Variants in NAV2 observed in about 807,000 individuals in gnomAD.
NAV2 encodes neuron navigator 2.
Under a neutral mutation model 223.2 loss-of-function variants are expected in NAV2, and 54 were observed. The ratio of observed to expected loss-of-function variants is 0.24; its 90% confidence interval spans 0.19 to 0.30. The LOEUF (loss-of-function observed/expected upper bound fraction) is 0.30, where lower values mean the gene tolerates loss of function less well. Ranked by LOEUF, NAV2 falls within the 10% of genes least tolerant of loss-of-function variation. The pLI is 1.00. For missense variants in NAV2, 2,806 were observed against 3,147.5 expected (o/e 0.89, Z 2.60); for synonymous variants, 1,279 against 1,239.3 (o/e 1.03, Z -0.67).
intron 1 of NAV2, among the ~76,000 whole-genome samples, chr11:19,481,583 A>G (rs887200847): frequency 6.6e-6 from 1 of 152,210 alleles, no homozygotes; most frequent in African/African-American, 2.4e-5. Flanking sequence ...CATCTGTAAA[A>G]CAGGATAAAT....
intron 4 of NAV2, among the ~76,000 whole-genome samples, chr11:19,879,653 G>C (rs1247003911): frequency 6.6e-6 from 1 of 152,144 alleles, no homozygotes; most frequent in Non-Finnish European, 1.5e-5. Context: ...CAGACATCCA[G>C]TTGCACTTGC....
chr11:19,612,919 T>C (rs1053737118), intron 1 of NAV2, among the ~76,000 whole-genome samples: 1 of 152,242 alleles, frequency 6.6e-6, no homozygotes, highest in Non-Finnish European at 1.5e-5. Flanking sequence ...GATAAAGACA[T>C]ACCTGAAACT....
At chr11:19,352,675 T>C (rs1354268) in intron 1 of NAV2, among the ~76,000 whole-genome samples, 37,616 of 152,228 alleles carry the variant, frequency 0.25, 5,562 homozygotes, top group East Asian at 0.54. Flanking sequence ...TGAGTCTCCA[T>C]GCTTGGGTGA....
At chr11:19,656,296 C>A (rs1464303036) in intron 1 of NAV2, among the ~76,000 whole-genome samples, 1 of 152,170 alleles carries the variant, frequency 6.6e-6, no homozygotes, top group Non-Finnish European at 1.5e-5. Flanking sequence ...GTCACGGGGG[C>A]CTGTACCTTA....
intron 1 of NAV2, among the ~76,000 whole-genome samples, chr11:19,725,947 G>A (rs1259554036): frequency 6.6e-6 from 1 of 152,192 alleles, no homozygotes; most frequent in Non-Finnish European, 1.5e-5. Flanking sequence ...GGCCATGGGC[G>A]AGGCCAGGCT....
intron 1 of NAV2, among the ~76,000 whole-genome samples, chr11:19,818,850 T>C (rs2059238139): frequency 6.6e-6 from 1 of 152,220 alleles, no homozygotes; most frequent in African/African-American, 2.4e-5. Flanking sequence ...TTTATGGACT[T>C]TATAATCTAG....
chr11:19,404,367 C>A (rs1328927909), intron 1 of NAV2, among the ~76,000 whole-genome samples: 1 of 152,216 alleles, frequency 6.6e-6, no homozygotes, highest in Non-Finnish European at 1.5e-5. Context: ...GAATGCACGT[C>A]AGGCTTCTTG....
chr11:19,495,475 C>A (rs1464902357), intron 1 of NAV2, among the ~76,000 whole-genome samples: 2 of 152,204 alleles, frequency 1.3e-5, no homozygotes, highest in African/African-American at 2.4e-5. Flanking sequence ...GGTGGTGACA[C>A]TGGCTGGTGA....
Position 19,865,203 on chromosome 11 carries a change from G to C in NAV2, c.439-3722G>C, listed in dbSNP as rs1017105273. Among the ~76,000 whole-genome samples the C allele has an allele frequency of 2.0e-5, 3 of 152,094 alleles. 1 individual carries two copies. The highest frequency in any genetic ancestry group is 4.1e-4 in the South Asian group (2 of 4,826). On this transcript the variant is annotated intron_variant, in intron 3 of 37. Transcript: ENST00000349880. ...TTTAATCAGATCCTCATCTCATGCT[G>C]TGTGTCTGGATCACACATAAGTCTT...
rs185047930 is a variant in NAV2 at position 19,539,674 on chromosome 11, A to G, written c.75+188647A>G. Among the ~76,000 whole-genome samples, 821 of 152,262 alleles carry G rather than the reference A, an allele frequency of 5.4e-3. 5 individuals are homozygous for G. Among genetic ancestry groups the G allele is most frequent in the African/African-American group, 0.019 (799 of 41,566 alleles). ...TGAAGGCCACTGAGACAACACAGCC[A>G]TTTGGAAAGCCATTATCAGCTGCCA... On this transcript the variant is annotated intron_variant, in intron 1 of 37. Transcript: ENST00000360655.
intron 1 of NAV2, among the ~76,000 whole-genome samples, chr11:19,600,270 CT>C (rs2046317800): frequency 1.3e-5 from 2 of 152,286 alleles, no homozygotes; most frequent in Admixed American, 1.3e-4. Context: ...CACTTCTGGC[CT>C]GCCCTGTTTG....
At chr11:20,074,340 G>A (rs1485766615) in intron 22 of NAV2, among the ~76,000 whole-genome samples, 1 of 152,128 alleles carries the variant, frequency 6.6e-6, no homozygotes, top group African/African-American at 2.4e-5. Context: ...GCTGAGGAGT[G>A]TTTTACTTCC....
At chr11:20,115,374 C>T (rs1205463189) in intron 37 of NAV2, among the ~76,000 whole-genome samples, 1 of 152,074 alleles carries the variant, frequency 6.6e-6, no homozygotes, top group African/African-American at 2.4e-5. Flanking sequence ...GTGGCTCACA[C>T]CTGTAATCCC....
At chr11:19,616,148 G>A (rs11025195) in intron 1 of NAV2, among the ~76,000 whole-genome samples, 5,515 of 151,646 alleles carry the variant, frequency 0.036, 128 homozygotes, top group Non-Finnish European at 0.059. Flanking sequence ...ATAGAGCCCC[G>A]TAGACTGTAT....
intron 1 of NAV2, among the ~76,000 whole-genome samples, chr11:19,435,793 G>A (rs116220690): frequency 0.021 from 3,194 of 152,232 alleles, 102 homozygotes; most frequent in African/African-American, 0.073. Context: ...ATAGCTCATT[G>A]TGGTTTTAAG....
chr11:20,085,739 G>A (rs1186979951), intron 26 of NAV2, among the ~76,000 whole-genome samples: 2 of 152,244 alleles, frequency 1.3e-5, no homozygotes, highest in Admixed American at 6.5e-5. Context: ...CATCCACAGG[G>A]CCCAGTCCAC....
At chr11:19,975,585 G>C (rs1040336857) in intron 10 of NAV2, among the ~76,000 whole-genome samples, 4 of 152,172 alleles carry the variant, frequency 2.6e-5, no homozygotes, top group Non-Finnish European at 5.9e-5. Context: ...CCACCACACA[G>C]AAATTCTCCA....
In NAV2 at chr11:19,516,533, T is replaced by C. The variant is rs144332435; in HGVS notation, c.75+165506T>C. On this transcript the variant is annotated intron_variant, in intron 1 of 37. Coordinates refer to the NAV2 transcript ENST00000360655. Reference sequence around the variant, plus strand: ...AATTCTTCACCACAACTCATCTCTTTGTTACAAGCAAAATGAGCCATGTCT... The same window carrying C: ...AATTCTTCACCACAACTCATCTCTTCGTTACAAGCAAAATGAGCCATGTCT... Among the ~76,000 whole-genome samples, 11 of 152,364 alleles carry C rather than the reference T, an allele frequency of 7.2e-5. No homozygotes were observed. In the East Asian group the frequency reaches 2.1e-3, roughly 29 times the overall value.
At chr11:19,672,772 C>T (rs2048606533) in intron 1 of NAV2, among the ~76,000 whole-genome samples, 1 of 152,124 alleles carries the variant, frequency 6.6e-6, no homozygotes, top group African/African-American at 2.4e-5. Context: ...AGGTTGAGTG[C>T]CCTCTGTGTC....
Sources: gnomAD v4.1 joint callset for allele counts (sites outside exome capture counted in the v4.1 genomes callset) on GRCh38, gnomAD v4.1.1 for gene constraint, MANE v1.5 for transcripts, NCBI Gene and HGNC (gene_info 2026-07-23, HGNC 2026-07-21) for gene names.